HDGFL3: variants seen among roughly 807,000 people sequenced by gnomAD.
HDGFL3 encodes HDGF like 3.
A neutral mutation model predicts 27.6 loss-of-function variants in HDGFL3; 6 were observed. That is an observed-to-expected ratio of 0.22 (90% CI 0.12 to 0.43). The LOEUF is 0.43. Ranked by LOEUF, HDGFL3 falls within the 20% of genes least tolerant of loss-of-function variation. HDGFL3 has a pLI of 1.00. For missense variants in HDGFL3, 207 were observed against 250.1 expected, an observed-to-expected ratio of 0.83 and a Z score of 1.16; for synonymous variants, 88 against 88.9, an observed-to-expected ratio of 0.99 and a Z score of 0.05.
chr15:83,115,307 G>A (rs950642335), exon 4 of HDGFL3: 3 of 225,956 alleles, frequency 1.3e-5, no homozygotes, highest in South Asian at 1.3e-4. Context: ...TAGTAGAGAC[G>A]GGGTTTCAAT....
rs564795549 is a variant in HDGFL3, at chr15:83,194,317, C to T, written c.84+13014G>A. 6.3e-4 allele frequency among the ~76,000 whole-genome samples: 96 copies of T among 152,100 alleles called. 1 individual carries two copies. Among genetic ancestry groups the T allele is most frequent in the African/African-American group, 1.6e-3 (68 of 41,488 alleles). On this transcript the variant is annotated intron_variant, in intron 1 of 5. Transcript: ENST00000299633. ...AAGCCAGTCACAAAAAAACACATACCGTATAATTCCATCTGTATGAGGTAC... is the reference window on the plus strand; with the variant it reads ...AAGCCAGTCACAAAAAAACACATACTGTATAATTCCATCTGTATGAGGTAC...
intron 1 of HDGFL3, among the ~76,000 whole-genome samples, chr15:83,167,780 T>C (rs1049280837): frequency 3.3e-5 from 5 of 152,128 alleles, no homozygotes; most frequent in Admixed American, 1.3e-4. Flanking sequence ...ATCATCAAGG[T>C]AGAAAACTAA....
rs927723826 is a variant in HDGFL3, at chr15:83,174,554, C to T, written c.85-10479G>A. Reference sequence around the variant, plus strand: ...ATAATATGAATTGTAGTAAAAAACACGACATAAAATGTATCAACTTAACCA... The same window carrying T: ...ATAATATGAATTGTAGTAAAAAACATGACATAAAATGTATCAACTTAACCA... On this transcript the variant is annotated intron_variant, in intron 1 of 5. Coordinates refer to ENST00000299633, the MANE Select transcript of HDGFL3 (RefSeq NM_016073.4). Among the ~76,000 whole-genome samples, 59 of 150,132 alleles carry T rather than the reference C, an allele frequency of 3.9e-4. 1 individual carries two copies. The highest frequency in any genetic ancestry group is 7.1e-3 in the Middle Eastern group (2 of 282).
At chr15:83,173,940 A>G (rs1385342400) in intron 1 of HDGFL3, among the ~76,000 whole-genome samples, 1 of 152,246 alleles carries the variant, frequency 6.6e-6, no homozygotes, top group East Asian at 1.9e-4. Context: ...TGAGGATTAC[A>G]GTACCATCCC....
At chr15:83,164,367 C>CAAAAAAAAAAAAAAAAAAAAAAAA (rs869303457) in intron 1 of HDGFL3, among the ~76,000 whole-genome samples, 16 of 38,382 alleles carry the variant, frequency 4.2e-4, no homozygotes, top group Non-Finnish European at 6.3e-4. Context: ...TTAGAGTAAC[C>CAAAAAAAAAAAAAAAAAAAAAAAA]AAAAAAAAAA....
At chr15:83,186,498 T>C (rs1015376145) in intron 1 of HDGFL3, among the ~76,000 whole-genome samples, 1 of 152,202 alleles carries the variant, frequency 6.6e-6, no homozygotes, top group Non-Finnish European at 1.5e-5. Context: ...GATGTTCAAA[T>C]AGAAGTTAAT....
At chr15:83,120,347 T>G (rs2035104755) in intron 3 of HDGFL3, among the ~76,000 whole-genome samples, 1 of 152,222 alleles carries the variant, frequency 6.6e-6, no homozygotes, top group South Asian at 2.1e-4. Context: ...TTGGGCTGAA[T>G]TTCTGCCCAT....
Position 83,157,457 on chromosome 15 carries a change from A to G in HDGFL3, c.417T>C (p.Asn139=). 7 of 1,613,664 alleles carry G rather than the reference A, an allele frequency of 4.3e-6. No homozygotes were observed. Among genetic ancestry groups the G allele is most frequent in the Non-Finnish European group, 5.9e-6 (7 of 1,179,670 alleles). ...TTTTCCGTTTTGAGCCTGCTTTTTC[A>G]TTCTTTCTTTTGCCTTTTCCATCTT... ...VEEDGKGKRK[N]EKAGSKRKKS... The change falls in exon 4 of 6, where the codon AAT becomes AAC. Residue 139 remains asparagine (N), a synonymous_variant. Transcript: ENST00000299633.
At chr15:83,118,073 G>A (rs2034842532) in intron 3 of HDGFL3, among the ~76,000 whole-genome samples, 1 of 152,190 alleles carries the variant, frequency 6.6e-6, no homozygotes, top group Admixed American at 6.5e-5. Flanking sequence ...TTAATATAGA[G>A]AGGCCATGGC....
At chr15:83,123,066 C>T (rs1328742055), downstream of HDGFL3, among the ~76,000 whole-genome samples, 1 of 152,198 alleles carries the variant, frequency 6.6e-6, no homozygotes, top group Non-Finnish European at 1.5e-5. Context: ...CTGTTTCTGT[C>T]TGAATACATC....
Position 83,128,568 on chromosome 15 carries a change from A to G in HDGFL3, c.*10702T>C, listed in dbSNP as rs1222169650. Reference sequence around the variant, plus strand: ...TTTGTATCTTTCAATACCAACTATAAGCTGATAACTTCCAGTTTTCTACCT... The same window carrying G: ...TTTGTATCTTTCAATACCAACTATAGGCTGATAACTTCCAGTTTTCTACCT... On this transcript the variant is annotated 3_prime_UTR_variant, in exon 6 of 6. Transcript: ENST00000299633. 1 of 152,190 alleles carries G rather than the reference A, an allele frequency of 6.6e-6. No individual in the cohort carries two copies. Among genetic ancestry groups the G allele is most frequent in the Non-Finnish European group, 1.5e-5 (1 of 68,034 alleles). 9.4% of individuals were successfully genotyped at this position (152,190 alleles called of 1,614,324 possible).
In HDGFL3 at chr15:83,192,066, C is replaced by G. The variant is rs528007245; in HGVS notation, c.84+15265G>C. On this transcript the variant is annotated intron_variant, in intron 1 of 5. Transcript: ENST00000299633. ...AAGCAATTCTCCTGCCTCAGCCTCCCAAGTAGCTGGGGTTAGAGATGCCTG... is the reference window on the plus strand; with the variant it reads ...AAGCAATTCTCCTGCCTCAGCCTCCGAAGTAGCTGGGGTTAGAGATGCCTG... Among the ~76,000 whole-genome samples, 167 of 151,812 alleles carry G rather than the reference C, an allele frequency of 1.1e-3. 2 individuals are homozygous for G. The highest frequency in any genetic ancestry group is 7.3e-3 in the South Asian group (35 of 4,790).
intron 1 of HDGFL3, among the ~76,000 whole-genome samples, chr15:83,191,581 G>A (rs1426213988): frequency 2.0e-5 from 3 of 152,092 alleles, no homozygotes. Flanking sequence ...AAAATTGTAA[G>A]TTTAAGACTT....
intron 1 of HDGFL3, among the ~76,000 whole-genome samples, chr15:83,166,875 C>T (rs528566006): frequency 6.6e-6 from 1 of 152,282 alleles, no homozygotes; most frequent in East Asian, 1.9e-4. Context: ...GAAATCTAAC[C>T]CCATGATCCA....
chr15:83,115,561 T>C, exon 4 of HDGFL3: 1 of 552,608 alleles, frequency 1.8e-6, no homozygotes, highest in Non-Finnish European at 3.4e-6. Flanking sequence ...GGAGTTGGCC[T>C]GCTAGAATCT....
At chr15:83,145,870 T>TC (rs1228638325) in intron 5 of HDGFL3, among the ~76,000 whole-genome samples, 15 of 150,700 alleles carry the variant, frequency 1.0e-4, no homozygotes, top group African/African-American at 3.4e-4. Context: ...TCTTTTTTTT[T>TC]TTTCTCTCTC....
intron 5 of HDGFL3, among the ~76,000 whole-genome samples, chr15:83,146,419 G>A (rs531661598): frequency 1.3e-5 from 2 of 152,088 alleles, no homozygotes. Flanking sequence ...CACTGTCATC[G>A]GCAACTACTG....
chr15:83,169,031 T>C (rs1596556359), intron 1 of HDGFL3, among the ~76,000 whole-genome samples: 1 of 151,968 alleles, frequency 6.6e-6, no homozygotes, highest in Admixed American at 6.6e-5. Context: ...AGCCACATGA[T>C]CAACTCAAAA....
At chr15:83,120,587 C>CTTTTTT (rs993490763) in intron 3 of HDGFL3, among the ~76,000 whole-genome samples, 4 of 125,956 alleles carry the variant, frequency 3.2e-5, no homozygotes, top group Admixed American at 8.2e-5. Flanking sequence ...CCAGCTAATT[C>CTTTTTT]TTTTTTTTTT....
Sources: allele counts gnomAD v4.1 joint callset (sites outside exome capture counted in the v4.1 genomes callset), GRCh38; gene constraint gnomAD v4.1.1; transcripts MANE v1.5; gene names NCBI Gene and HGNC (gene_info 2026-07-23, HGNC 2026-07-21).